The following GRM7 variants were observed in gnomAD, a reference collection of about 807,000 sequenced individuals.
GRM7 encodes glutamate metabotropic receptor 7.
A neutral mutation model predicts 84.5 loss-of-function variants in GRM7; 35 were observed. That is an observed-to-expected ratio of 0.41 (90% CI 0.32 to 0.55). The LOEUF is 0.55. Among genes scored for constraint, GRM7 ranks in the 20% least tolerant of loss-of-function variants. The pLI, the probability that GRM7 is intolerant of heterozygous loss-of-function variation, is 0.19. For synonymous variants in GRM7, 487 were observed against 455.1 expected, an observed-to-expected ratio of 1.07 and a Z score of -0.89; for missense variants, 1,003 against 1,194.6, an observed-to-expected ratio of 0.84 and a Z score of 2.36.
intron 1 of GRM7, among the ~76,000 whole-genome samples, chr3:6,899,618 T>G (rs955173628): frequency 2.6e-5 from 4 of 152,120 alleles, no homozygotes; most frequent in African/African-American, 9.7e-5. Flanking sequence ...TCATAGGCCT[T>G]CTTAAAATAG....
At chr3:7,526,544 A>C (rs1362479122) in intron 7 of GRM7, among the ~76,000 whole-genome samples, 1 of 151,778 alleles carries the variant, frequency 6.6e-6, no homozygotes, top group African/African-American at 2.4e-5. Context: ...TTAGTTCTTA[A>C]CTGTCAATTT....
At chr3:7,438,914 A>C (rs1697171675) in intron 5 of GRM7, among the ~76,000 whole-genome samples, 1 of 152,182 alleles carries the variant, frequency 6.6e-6, no homozygotes, top group East Asian at 1.9e-4. Context: ...AATTGTAGAC[A>C]TGTTGAATCC....
intron 1 of GRM7, among the ~76,000 whole-genome samples, chr3:6,938,714 C>A (rs1375347403): frequency 6.6e-6 from 1 of 152,126 alleles, no homozygotes; most frequent in Non-Finnish European, 1.5e-5. Flanking sequence ...TAAAGGTGAG[C>A]CACTTCTGGG....
intron 9 of GRM7, chr3:7,690,970 C>T (rs756115409): frequency 3.1e-6 from 1 of 323,776 alleles, no homozygotes; most frequent in Non-Finnish European, 6.1e-6. Context: ...TGAGCATCTT[C>T]CCAATATTCA....
At chr3:7,668,309 C>T (rs955100283) in intron 8 of GRM7, among the ~76,000 whole-genome samples, 3 of 152,166 alleles carry the variant, frequency 2.0e-5, no homozygotes, top group African/African-American at 4.8e-5. Context: ...GAATCTCTAT[C>T]TTTGTGTGTC....
intron 2 of GRM7, among the ~76,000 whole-genome samples, chr3:7,181,440 A>T (rs1695333761): frequency 6.6e-6 from 1 of 152,070 alleles, no homozygotes. Context: ...CTTGTTGGTC[A>T]GTTGTTAGTA....
chr3:6,872,537 T>A (rs1183413491), intron 1 of GRM7, among the ~76,000 whole-genome samples: 2 of 152,184 alleles, frequency 1.3e-5, no homozygotes, highest in Non-Finnish European at 2.9e-5. Context: ...TAGGTATACA[T>A]GTGCCATGGT....
intron 2 of GRM7, among the ~76,000 whole-genome samples, chr3:7,186,331 G>T (rs1695513426): frequency 6.6e-6 from 1 of 152,100 alleles, no homozygotes; most frequent in Admixed American, 6.6e-5. Context: ...CTCCCCTTAA[G>T]ATGTTAAAAT....
At chr3:6,900,109 A>G (rs1282725432) in intron 1 of GRM7, among the ~76,000 whole-genome samples, 1 of 152,236 alleles carries the variant, frequency 6.6e-6, no homozygotes, top group Non-Finnish European at 1.5e-5. Context: ...CTGGAAGTCT[A>G]CTAAAAGGGG....
Position 6,969,584 on chromosome 3 carries a change from C to G in GRM7, c.519+107677C>G, listed in dbSNP as rs79848241. ...GGTTCCAAAATCTGTGTTTCGTGAC[C>G]TAGCACAGTAGCGCCTTAATGAATA... is the stretch of plus-strand genomic sequence containing the variant. On this transcript the variant is annotated intron_variant, in intron 1 of 9. Transcript: ENST00000357716. Among the ~76,000 whole-genome samples the G allele has an allele frequency of 4.6e-3, 702 of 152,266 alleles. 4 individuals are homozygous for G. The highest frequency in any genetic ancestry group is 0.016 in the African/African-American group (665 of 41,546).
At chr3:7,614,034 C>G (rs1010396836) in intron 8 of GRM7, among the ~76,000 whole-genome samples, 17 of 152,080 alleles carry the variant, frequency 1.1e-4, no homozygotes, top group Admixed American at 1.1e-3. Context: ...GAGGCCAAGG[C>G]GAGCTGATCA....
chr3:7,066,167 A>G (rs1430763665), intron 1 of GRM7, among the ~76,000 whole-genome samples: 2 of 151,768 alleles, frequency 1.3e-5, no homozygotes, highest in Non-Finnish European at 2.9e-5. Flanking sequence ...AAGAAAGGAA[A>G]TAAGATCAGA....
intron 2 of GRM7, among the ~76,000 whole-genome samples, chr3:7,288,037 T>G (rs943444200): frequency 6.6e-6 from 1 of 152,186 alleles, no homozygotes; most frequent in African/African-American, 2.4e-5. Flanking sequence ...CAGTAATGTT[T>G]TCTTTATATT....
chr3:6,998,137 A>AAAAAAAAAAAAAAAAAAAAAC (rs1694887959), intron 1 of GRM7, among the ~76,000 whole-genome samples: 1 of 148,130 alleles, frequency 6.8e-6, no homozygotes, highest in Non-Finnish European at 1.5e-5. Flanking sequence ...AAAAAAAAAA[A>AAAAAAAAAAAAAAAAAAAAAC]AAGCAGGTTA....
intron 4 of GRM7, among the ~76,000 whole-genome samples, chr3:7,324,301 G>A (rs906958218): frequency 6.6e-6 from 1 of 152,134 alleles, no homozygotes; most frequent in African/African-American, 2.4e-5. Flanking sequence ...AATGTCATAG[G>A]TTCATTTAAG....
At chr3:7,179,586 C>T (rs931154651) in intron 2 of GRM7, among the ~76,000 whole-genome samples, 2 of 152,210 alleles carry the variant, frequency 1.3e-5, no homozygotes, top group African/African-American at 4.8e-5. Context: ...TTTTATCCAC[C>T]TACTGGCTTA....
intron 5 of GRM7, among the ~76,000 whole-genome samples, chr3:7,434,195 A>T (rs1196577180): frequency 6.6e-6 from 1 of 152,198 alleles, no homozygotes; most frequent in East Asian, 1.9e-4. Flanking sequence ...TTCAATGTTT[A>T]TTACTTATAG....
intron 2 of GRM7, among the ~76,000 whole-genome samples, chr3:7,286,839 C>A (rs1285033091): frequency 1.3e-5 from 2 of 152,114 alleles, no homozygotes; most frequent in Non-Finnish European, 2.9e-5. Flanking sequence ...AATGAAAAAT[C>A]TTTCATGTCT....
chr3:7,471,214 A>AC (rs1231997999), intron 7 of GRM7, among the ~76,000 whole-genome samples: 1 of 151,730 alleles, frequency 6.6e-6, no homozygotes, highest in Non-Finnish European at 1.5e-5. Context: ...GCTGTAAAAA[A>AC]AAAAATTACC....
Sources: allele counts gnomAD v4.1 joint callset (sites outside exome capture counted in the v4.1 genomes callset), GRCh38; gene constraint gnomAD v4.1.1; transcripts MANE v1.5; gene names NCBI Gene and HGNC (gene_info 2026-07-23, HGNC 2026-07-21).